Variants in FHL1 observed in about 807,000 individuals in gnomAD.
FHL1 encodes the protein four and a half LIM domains protein 1.
FHL1 carries 1 observed loss-of-function variant against 20.3 expected under a neutral mutation model. That is an observed-to-expected ratio of 0.05 (90% confidence interval 0.02 to 0.23). FHL1 has a LOEUF of 0.23. Among genes scored for constraint, FHL1 ranks in the 10% least tolerant of loss-of-function variants. The pLI, the probability that FHL1 is intolerant of heterozygous loss-of-function variation, is 1.00. For synonymous variants in FHL1, 82 were observed against 88.9 expected (o/e 0.92, Z 0.44); for missense variants, 177 against 234.0 (o/e 0.76, Z 1.59).
In FHL1 at chrX:136,210,565, C is replaced by A. The variant is rs1374500564; in HGVS notation, c.*540C>A. ...TTCTTTTGTGCTTTCAAATAACTAA[C>A]ACGAACTTCCAGAAAATTAACATTT... On this transcript the variant is annotated 3_prime_UTR_variant, in exon 6 of 6. Coordinates refer to ENST00000370683, the MANE Select transcript of FHL1 (RefSeq NM_001159699.2). 2 of 390,680 alleles carry A rather than the reference C, an allele frequency of 5.1e-6. No individual in the cohort carries two copies. Among genetic ancestry groups the A allele is most frequent in the South Asian group, 5.1e-5 (2 of 39,014 alleles). 32.2% of individuals were successfully genotyped at this position (390,680 alleles called of 1,213,427 possible).
At chrX:136,171,465 TTCTTTAAGGAG>T (rs2148300767) in intron 2 of FHL1, among the ~76,000 whole-genome samples, 1 of 111,741 alleles carries the variant, frequency 8.9e-6, no homozygotes, top group South Asian at 3.8e-4. Flanking sequence ...AGAGGCTAGA[TTCTTTAAGGAG>T]ATATAAAGAA....
At chrX:136,204,179 A>C (rs1247869294) in intron 1 of FHL1, among the ~76,000 whole-genome samples, 1 of 112,710 alleles carries the variant, frequency 8.9e-6, no homozygotes, top group Non-Finnish European at 1.9e-5. Context: ...TTTAGGAGCA[A>C]CTGATAATTT....
intron 2 of FHL1, among the ~76,000 whole-genome samples, chrX:136,191,433 C>T (rs963071841): frequency 3.6e-5 from 4 of 111,788 alleles, no homozygotes. Context: ...AAAATATAGA[C>T]TTCCTGAGTG....
intron 2 of FHL1, among the ~76,000 whole-genome samples, chrX:136,189,892 T>A (rs1241442069): frequency 8.9e-6 from 1 of 112,205 alleles, no homozygotes; most frequent in Non-Finnish European, 1.9e-5. Context: ...GAACTAACCA[T>A]GTTAATTGTT....
At chrX:136,208,704 A>G in intron 5 of FHL1, 63 bp downstream of exon 5, 3 of 1,082,423 alleles carry the variant, frequency 2.8e-6, no homozygotes, top group Non-Finnish European at 3.8e-6. Flanking sequence ...ACCATCTCTC[A>G]TTTTCCTGTC....
intron 1 of FHL1, among the ~76,000 whole-genome samples, chrX:136,157,256 C>A (rs967699177): frequency 1.8e-5 from 2 of 111,209 alleles, no homozygotes; most frequent in Admixed American, 9.6e-5. Flanking sequence ...ATGCCAGGGT[C>A]AACACAAGTT....
intron 5 of FHL1, chrX:136,209,182 T>A: frequency 8.9e-7 from 1 of 1,124,968 alleles, no homozygotes. Flanking sequence ...TTGCCTCCAA[T>A]TTTCCCATCT....
chrX:136,165,480 T>G (rs1603248060), upstream of FHL1, among the ~76,000 whole-genome samples: 1 of 111,796 alleles, frequency 8.9e-6, no homozygotes, highest in Admixed American at 9.6e-5. Context: ...AAATGAGAAG[T>G]CTGTGCCACC....
In FHL1 at chrX:136,161,080, T is replaced by C. The variant is rs181932099; in HGVS notation, c.-100-8827T>C. Among the ~76,000 whole-genome samples the C allele has an allele frequency of 1.8e-3, 202 of 112,109 alleles. 1 individual carries two copies. The Admixed American group carries it at 0.019, about 10-fold the overall frequency. On this transcript the variant is annotated intron_variant, in intron 1 of 7. Transcript: ENST00000394155. The stretch of plus-strand genomic sequence containing the variant: ...CTAACCCAATCATAATATGTTTGTT[T>C]CCCAGATATAGACAGGCTGGGTTCG...
At chrX:136,187,996 C>T (rs1314453469) in intron 2 of FHL1, among the ~76,000 whole-genome samples, 1 of 111,726 alleles carries the variant, frequency 9.0e-6, no homozygotes, top group East Asian at 2.8e-4. Context: ...AATAAAATAA[C>T]ATAGCAAAAC....
upstream of FHL1, chrX:136,147,480 C>G (rs1213207526): frequency 9.4e-6 from 1 of 106,104 alleles, no homozygotes; most frequent in African/African-American, 3.4e-5. Context: ...GCGCGCACCC[C>G]TCCCCTCGCG....
intron 2 of FHL1, among the ~76,000 whole-genome samples, chrX:136,189,467 C>T (rs959634656): frequency 9.0e-5 from 10 of 111,650 alleles, no homozygotes; most frequent in African/African-American, 3.3e-4. Context: ...ACATCCTGAG[C>T]CCTTATCTCT....
chrX:136,148,930 T>C (rs1054321060), intron 1 of FHL1, among the ~76,000 whole-genome samples: 2 of 112,358 alleles, frequency 1.8e-5, no homozygotes, highest in African/African-American at 6.5e-5. Context: ...ATGTATTTGC[T>C]GGAAGTCCCC....
At chrX:136,209,836 T>C in intron 5 of FHL1, 35 bp from the exon 6 acceptor site, 2 of 1,197,178 alleles carry the variant, frequency 1.7e-6, no homozygotes, top group Admixed American at 2.2e-5. Context: ...GCTGTTTCTC[T>C]TGTTTTCTTT....
At position 136,207,033 on chromosome X, in the gene FHL1, C is replaced by T. The variant is rs1471334826; in HGVS notation, c.222C>T (p.Asn74=). 1 of 1,209,637 alleles carries T rather than the reference C, an allele frequency of 8.3e-7. No homozygotes were observed. Among genetic ancestry groups the T allele is most frequent in the Non-Finnish European group, 1.1e-6 (1 of 895,234 alleles). Residue 74 remains asparagine, a synonymous_variant, in exon 3 of 6, where the codon AAC becomes AAT. Transcript: ENST00000370683. ...GTTTCCAGGAGGTGCACTATAAGAA[C>T]CGCTTCTGGCATGACACCTGCTTCC... The part of the protein sequence containing the change: ...GADSKEVHYK[N]RFWHDTCFRC...
intron 2 of FHL1, among the ~76,000 whole-genome samples, chrX:136,183,048 G>T (rs1370676620): frequency 9.5e-6 from 1 of 105,492 alleles, no homozygotes; most frequent in Non-Finnish European, 1.9e-5. Context: ...AGTGAGCCAA[G>T]ATTGCGCCAC....
intron 5 of FHL1, 77 bp from the exon 6 acceptor site, chrX:136,209,794 T>C (rs1445190883): frequency 9.1e-7 from 1 of 1,101,152 alleles, no homozygotes; most frequent in Non-Finnish European, 1.2e-6. Flanking sequence ...TTTATCTCTC[T>C]GAATCGTGGT....
intron 2 of FHL1, among the ~76,000 whole-genome samples, chrX:136,171,888 ATT>A (rs3831873): frequency 9.6e-6 from 1 of 103,976 alleles, no homozygotes; most frequent in South Asian, 4.4e-4. Flanking sequence ...TTATTGATTT[ATT>A]TTTTTTTATG....
chrX:136,161,986 G>A (rs1318899458), intron 1 of FHL1, among the ~76,000 whole-genome samples: 1 of 109,824 alleles, frequency 9.1e-6, no homozygotes, highest in Non-Finnish European at 1.9e-5. Context: ...AGCTGGGTGT[G>A]GTGGCATCTG....
Sources: allele counts gnomAD v4.1 joint callset (sites outside exome capture counted in the v4.1 genomes callset), GRCh38; gene constraint gnomAD v4.1.1; transcripts MANE v1.5; gene names NCBI Gene and HGNC (gene_info 2026-07-23, HGNC 2026-07-21).